The following PTPRD variants were observed in gnomAD, a reference collection of about 807,000 sequenced individuals.
The protein encoded by PTPRD is receptor-type tyrosine-protein phosphatase delta.
In PTPRD, 34 loss-of-function variants were observed where a neutral mutation model predicts 214.5. The observed-to-expected ratio is 0.16, with a 90% CI of 0.12 to 0.21. PTPRD has a LOEUF of 0.21. PTPRD is among the 10% of genes least tolerant of loss of function. The probability of loss-of-function intolerance (pLI) is 1.00; values close to 1 mark genes in which losing one functional copy is unlikely to be tolerated. For synonymous variants in PTPRD, 1,128 were observed against 845.7 expected, an observed-to-expected ratio of 1.33 and a Z score of -5.79; for missense variants, 2,545 against 2,398.7, an observed-to-expected ratio of 1.06 and a Z score of -1.27.
In PTPRD at chr9:10,520,503, T is replaced by A. The variant is rs201993697; in HGVS notation, c.-600+91895A>T. ...GTGCTGATGTAGAAGCTACGGCAAGTTATCCAGAAGATCTAGCTAAGATAC... is the reference window on the plus strand; with the variant it reads ...GTGCTGATGTAGAAGCTACGGCAAGATATCCAGAAGATCTAGCTAAGATAC... On this transcript the variant is annotated intron_variant, in intron 2 of 45. Coordinates refer to ENST00000381196, the MANE Select transcript of PTPRD (RefSeq NM_002839.4). Among the ~76,000 whole-genome samples the A allele has an allele frequency of 9.9e-5, 15 of 152,218 alleles. No individual in the cohort carries two copies. In the East Asian group the frequency reaches 2.9e-3, roughly 29 times the overall value.
intron 30 of PTPRD, among the ~76,000 whole-genome samples, chr9:8,476,337 C>A (rs570589643): frequency 6.6e-5 from 10 of 152,136 alleles, no homozygotes; most frequent in African/African-American, 2.4e-4. Flanking sequence ...TGACAGGAGG[C>A]GGAGCTCGCT....
chr9:8,396,524 A>G (rs970328034), intron 36 of PTPRD, among the ~76,000 whole-genome samples: 1 of 152,132 alleles, frequency 6.6e-6, no homozygotes. Context: ...TAAAAAAAAC[A>G]AAAAAGCTCC....
intron 11 of PTPRD, among the ~76,000 whole-genome samples, chr9:8,977,447 C>T (rs2099274039): frequency 6.6e-6 from 1 of 152,056 alleles, no homozygotes; most frequent in Admixed American, 6.6e-5. Context: ...TTAACCTATG[C>T]CTCATTTAAA....
Position 8,504,791 on chromosome 9 carries a change from C to A in PTPRD, c.1678-386G>T, listed in dbSNP as rs116183634. 1.9e-3 allele frequency among the ~76,000 whole-genome samples: 289 copies of A among 152,254 alleles called. 1 individual carries two copies. The highest frequency in any genetic ancestry group is 6.5e-3 in the African/African-American group (269 of 41,546). ...ACCTGCCCCTGGTAGTGGAATCTGC[C>A]CAACATGTGCAATTTTAATTGAACA... On this transcript the variant is annotated intron_variant, in intron 22 of 45. Transcript: ENST00000381196.
chr9:10,433,463 G>T (rs149029036), intron 2 of PTPRD, among the ~76,000 whole-genome samples: 1 of 151,910 alleles, frequency 6.6e-6, no homozygotes, highest in African/African-American at 2.4e-5. Context: ...CTCAATTTCT[G>T]ATAGGGATAT....
intron 10 of PTPRD, among the ~76,000 whole-genome samples, chr9:9,164,890 A>AAACC (rs200662355): frequency 5.6e-4 from 75 of 133,050 alleles, no homozygotes; most frequent in African/African-American, 2.1e-3. Context: ...CAAAACAAAC[A>AAACC]AACCAACCAG....
chr9:10,050,026 C>A (rs910703469), intron 3 of PTPRD, among the ~76,000 whole-genome samples: 25 of 152,146 alleles, frequency 1.6e-4, no homozygotes, highest in African/African-American at 4.1e-4. Context: ...TTCTGTGAAG[C>A]CTGAGATCTC....
chr9:9,345,612 G>A (rs773336308), intron 9 of PTPRD, among the ~76,000 whole-genome samples: 2 of 152,020 alleles, frequency 1.3e-5, no homozygotes, highest in African/African-American at 2.4e-5. Context: ...ACTCCCCCAA[G>A]GTCATCCCAT....
chr9:10,090,268 C>A (rs1345679700), intron 3 of PTPRD, among the ~76,000 whole-genome samples: 1 of 151,564 alleles, frequency 6.6e-6, no homozygotes, highest in Admixed American at 6.6e-5. Context: ...AGTGTTTATT[C>A]ATTCTACTAT....
intron 8 of PTPRD, among the ~76,000 whole-genome samples, chr9:9,449,289 T>C (rs1435219288): frequency 6.6e-6 from 1 of 152,136 alleles, no homozygotes; most frequent in Non-Finnish European, 1.5e-5. Flanking sequence ...AGCAATTCAA[T>C]CTTTTTTTAT....
In PTPRD at chr9:10,399,919, A is replaced by G. The variant is rs1411757089; in HGVS notation, c.-599-58902T>C. 3.3e-5 allele frequency among the ~76,000 whole-genome samples: 5 copies of G among 151,852 alleles called. No homozygotes were observed. In the East Asian group the frequency reaches 9.7e-4, roughly 30 times the overall value. ...TGGGACCCTAAAAGACTTGTGCGCC[A>G]TTTTAAAGATGTTATATTTATGCTG... On this transcript the variant is annotated intron_variant, in intron 2 of 45. Coordinates refer to ENST00000381196, the MANE Select transcript of PTPRD (RefSeq NM_002839.4).
At chr9:8,379,075 G>C (rs894105926) in intron 37 of PTPRD, among the ~76,000 whole-genome samples, 2 of 152,042 alleles carry the variant, frequency 1.3e-5, no homozygotes, top group Non-Finnish European at 2.9e-5. Context: ...AGTTGCTTTT[G>C]AACAATGCAT....
chr9:10,438,423 C>G (rs2098736814), intron 2 of PTPRD, among the ~76,000 whole-genome samples: 1 of 151,598 alleles, frequency 6.6e-6, no homozygotes, highest in Admixed American at 6.6e-5. Flanking sequence ...AATAGAGGAG[C>G]ATCTATACGG....
At chr9:9,524,717 A>C (rs898679327) in intron 8 of PTPRD, among the ~76,000 whole-genome samples, 3 of 152,178 alleles carry the variant, frequency 2.0e-5, no homozygotes, top group Non-Finnish European at 2.9e-5. Context: ...TATCTTTGAT[A>C]TTTTCCAGAG....
chr9:9,912,624 C>A (rs1465093414), intron 5 of PTPRD, among the ~76,000 whole-genome samples: 1 of 152,158 alleles, frequency 6.6e-6, no homozygotes, highest in Non-Finnish European at 1.5e-5. Flanking sequence ...TGAAGCCTGA[C>A]ACGTGAGTTT....
rs1235655964 is a variant in PTPRD, at chr9:8,518,107, C to T, written c.1284G>A (p.Met428Ile). The T allele has an allele frequency of 6.2e-7, 1 of 1,614,178 alleles. No homozygotes were observed. The highest frequency in any genetic ancestry group is 8.5e-7 in the Non-Finnish European group (1 of 1,180,028). Residue 428 changes from methionine (M) to isoleucine (I), a missense_variant, in exon 21 of 46, where the codon ATG becomes ATA. By Grantham distance (10) the Met-to-Ile change is conservative. Transcript: ENST00000381196. ...SSAPRDVQARMLSSTTILVQW... is the reference protein window; with the variant it reads ...SSAPRDVQARILSSTTILVQW... ...GTACCAAAATGGTGGTCGAACTCAA[C>T]ATTCGTGCCTGGACATCCCTCGGGG... is the stretch of plus-strand genomic sequence containing the variant.
chr9:10,452,548 G>C (rs1199587696), intron 2 of PTPRD, among the ~76,000 whole-genome samples: 1 of 151,492 alleles, frequency 6.6e-6, no homozygotes, highest in Non-Finnish European at 1.5e-5. Flanking sequence ...TTGTACTTTT[G>C]ATATGCATTT....
chr9:9,201,502 A>G (rs2099941807), intron 9 of PTPRD, among the ~76,000 whole-genome samples: 2 of 152,254 alleles, frequency 1.3e-5, no homozygotes, highest in Non-Finnish European at 2.9e-5. Context: ...TAATAAGGCA[A>G]TAGGATAGGA....
At chr9:8,751,914 C>G (rs2093575441) in intron 11 of PTPRD, among the ~76,000 whole-genome samples, 1 of 152,184 alleles carries the variant, frequency 6.6e-6, no homozygotes, top group South Asian at 2.1e-4. Context: ...GTAGAAAAGT[C>G]TATTCCCTTC....
Sources: allele counts gnomAD v4.1 joint callset (sites outside exome capture counted in the v4.1 genomes callset), GRCh38; gene constraint gnomAD v4.1.1; transcripts MANE v1.5; gene names NCBI Gene and HGNC (gene_info 2026-07-23, HGNC 2026-07-21).